The following UVRAG variants were observed in gnomAD, a reference collection of about 807,000 sequenced individuals.
The protein encoded by UVRAG is UV radiation resistance-associated gene protein.
A neutral mutation model predicts 78.0 loss-of-function variants in UVRAG; 19 were observed. The ratio of observed to expected loss-of-function variants is 0.24; its 90% CI spans 0.17 to 0.36. UVRAG has a LOEUF of 0.36. UVRAG is among the 10% of genes least tolerant of loss of function. UVRAG has a pLI of 1.00. For missense variants in UVRAG, 740 were observed against 853.8 expected (o/e 0.87, Z 1.66); for synonymous variants, 323 against 324.6 (o/e 1.00, Z 0.05).
chr11:75,815,389 T>G lies in UVRAG; in HGVS notation c.-19T>G, dbSNP rs1364846715. ...CCGGAAGAGTGCCCGCCCCGCCGCTTGGCGGCCCCTGGATCGAGATGAGCG... is the reference window on the plus strand; with the variant it reads ...CCGGAAGAGTGCCCGCCCCGCCGCTGGGCGGCCCCTGGATCGAGATGAGCG... On this transcript the variant is annotated 5_prime_UTR_variant, in exon 1 of 15. Coordinates refer to ENST00000356136, the MANE Select transcript of UVRAG (RefSeq NM_003369.4). 1 of 1,214,622 alleles carries G rather than the reference T, an allele frequency of 8.2e-7. No homozygotes were observed. The highest frequency in any genetic ancestry group is 3.2e-5 in the East Asian group (1 of 31,558). 75.2% of individuals were successfully genotyped at this position (1,214,622 alleles called of 1,614,324 possible).
chr11:76,070,876 T>C (rs1951293339), intron 13 of UVRAG, among the ~76,000 whole-genome samples: 1 of 152,136 alleles, frequency 6.6e-6, no homozygotes, highest in South Asian at 2.1e-4. Flanking sequence ...ACAGTTTCCG[T>C]TGGGGTGATG....
intron 2 of UVRAG, among the ~76,000 whole-genome samples, chr11:75,854,647 C>T (rs1367354275): frequency 2.6e-5 from 4 of 152,126 alleles, no homozygotes; most frequent in Admixed American, 2.6e-4. Context: ...GAGCTACTGA[C>T]CTCAAGTGAC....
At chr11:76,005,190 A>C (rs1259785556) in intron 9 of UVRAG, among the ~76,000 whole-genome samples, 1 of 152,118 alleles carries the variant, frequency 6.6e-6, no homozygotes, top group Non-Finnish European at 1.5e-5. Context: ...AAAAATACAA[A>C]AAATTAGCCA....
chr11:76,075,477 G>T (rs776627212), intron 13 of UVRAG, among the ~76,000 whole-genome samples: 17 of 152,054 alleles, frequency 1.1e-4, no homozygotes, highest in Non-Finnish European at 1.9e-4. Context: ...GCCGGGCAGG[G>T]TTGCAGTCGC....
At chr11:76,045,024 T>G (rs1377620464) in intron 12 of UVRAG, among the ~76,000 whole-genome samples, 3 of 152,182 alleles carry the variant, frequency 2.0e-5, no homozygotes, top group Non-Finnish European at 4.4e-5. Context: ...CAGGAGTCTT[T>G]GAAGGTGAGT....
chr11:75,962,977 T>G (rs1372948553), intron 7 of UVRAG, among the ~76,000 whole-genome samples: 1 of 152,194 alleles, frequency 6.6e-6, no homozygotes, highest in Non-Finnish European at 1.5e-5. Flanking sequence ...GTTCATTGTG[T>G]GTTTTTATGC....
intron 7 of UVRAG, among the ~76,000 whole-genome samples, chr11:75,980,682 A>AT (rs35190339): frequency 0.027 from 3,790 of 139,088 alleles, 81 homozygotes; most frequent in East Asian, 0.056. Context: ...TCTGGCTAGA[A>AT]TTTTTTTTTT....
chr11:75,887,400 C>G (rs1380667888), intron 4 of UVRAG, among the ~76,000 whole-genome samples: 7 of 150,926 alleles, frequency 4.6e-5, no homozygotes, highest in Non-Finnish European at 8.8e-5. Flanking sequence ...CCGCCTTGGC[C>G]TCCCGAAGTG....
At chr11:76,081,871 A>G (rs1378583194) in intron 13 of UVRAG, among the ~76,000 whole-genome samples, 1 of 151,824 alleles carries the variant, frequency 6.6e-6, no homozygotes, top group Non-Finnish European at 1.5e-5. Flanking sequence ...AATACTGTGC[A>G]GCCATGAAAC....
chr11:76,080,766 T>G (rs1951480043), intron 13 of UVRAG, among the ~76,000 whole-genome samples: 1 of 152,232 alleles, frequency 6.6e-6, no homozygotes, highest in African/African-American at 2.4e-5. Flanking sequence ...ATAGTCAAAT[T>G]GACAAAATCA....
chr11:76,025,856 T>C (rs943507074), intron 12 of UVRAG, among the ~76,000 whole-genome samples: 4 of 152,138 alleles, frequency 2.6e-5, no homozygotes, highest in African/African-American at 7.2e-5. Context: ...ATATATCCTA[T>C]GTATAAAGAG....
intron 1 of UVRAG, among the ~76,000 whole-genome samples, chr11:75,850,994 T>A (rs1266668236): frequency 6.6e-6 from 1 of 152,228 alleles, no homozygotes; most frequent in Non-Finnish European, 1.5e-5. Flanking sequence ...GAGAGTGAAC[T>A]GGCTTTCAGC....
chr11:75,984,685 G>C (rs1336049211), intron 8 of UVRAG, among the ~76,000 whole-genome samples: 1 of 152,130 alleles, frequency 6.6e-6, no homozygotes, highest in African/African-American at 2.4e-5. Context: ...ACTAGCCACT[G>C]CCAAGACTCA....
rs762375664 is a variant in UVRAG at position 76,141,164 on chromosome 11, C to T, written c.1851C>T (p.Phe617=). ...CCAGTGTCCAGCTTCCAGGCGAGTT[C>T]CACCCAGTCTCAGAAGCTGAGCTCT... The part of the protein sequence containing the change: ...GSASVQLPGE[F]HPVSEAELCC... Residue 617 remains phenylalanine, a synonymous_variant, in exon 15 of 15, where the codon TTC becomes TTT. Transcript: ENST00000356136. 1 of 1,614,172 alleles carries T rather than the reference C, an allele frequency of 6.2e-7. No individual in the cohort carries two copies. Among genetic ancestry groups the T allele is most frequent in the South Asian group, 1.1e-5 (1 of 91,084 alleles).
chr11:75,955,412 A>G (rs2135183815), intron 6 of UVRAG, among the ~76,000 whole-genome samples: 1 of 152,310 alleles, frequency 6.6e-6, no homozygotes, highest in South Asian at 2.1e-4. Context: ...TTCAGGGTTT[A>G]GGGTAATAAT....
intron 13 of UVRAG, among the ~76,000 whole-genome samples, chr11:76,112,797 G>A (rs954946884): frequency 1.9e-4 from 28 of 150,782 alleles, no homozygotes; most frequent in Non-Finnish European, 3.8e-4. Flanking sequence ...CACAATCTCA[G>A]CTCACTGCAG....
intron 12 of UVRAG, among the ~76,000 whole-genome samples, chr11:76,022,903 C>G (rs1283111810): frequency 6.6e-6 from 1 of 151,820 alleles, no homozygotes; most frequent in African/African-American, 2.4e-5. Flanking sequence ...CTTTTGATTC[C>G]TTTCTCATTT....
chr11:75,920,801 A>ATTAT (rs1358785984), intron 6 of UVRAG, among the ~76,000 whole-genome samples: 1 of 152,210 alleles, frequency 6.6e-6, no homozygotes, highest in African/African-American at 2.4e-5. Context: ...ATTAATTTAT[A>ATTAT]AAATTAAAAT....
intron 13 of UVRAG, 127 bp from the exon 14 acceptor site, chr11:76,115,797 T>C: frequency 1.2e-6 from 1 of 813,974 alleles, no homozygotes; most frequent in Non-Finnish European, 2.0e-6. Flanking sequence ...ACTGTGAGGC[T>C]GATAATAGTA....
Sources: allele counts gnomAD v4.1 joint callset (sites outside exome capture counted in the v4.1 genomes callset), GRCh38; gene constraint gnomAD v4.1.1; transcripts MANE v1.5; gene names NCBI Gene and HGNC (gene_info 2026-07-23, HGNC 2026-07-21).